The following EYA4 variants were observed in gnomAD, a reference collection of about 807,000 sequenced individuals.
EYA4 encodes protein phosphatase EYA4.
A neutral mutation model predicts 87.9 loss-of-function variants in EYA4; 31 were observed. The ratio of observed to expected loss-of-function variants is 0.35; its 90% CI spans 0.27 to 0.48. The LOEUF (loss-of-function observed/expected upper bound fraction) is 0.48, where lower values mean the gene tolerates loss of function less well. Among genes scored for constraint, EYA4 ranks in the 20% least tolerant of loss-of-function variants. EYA4 has a pLI of 0.99. For synonymous variants in EYA4, 263 were observed against 270.6 expected (o/e 0.97, Z 0.28); for missense variants, 678 against 761.4 (o/e 0.89, Z 1.29).
chr6:133,503,279 G>GT (rs971370918), intron 13 of EYA4, among the ~76,000 whole-genome samples: 70 of 152,274 alleles, frequency 4.6e-4, no homozygotes, highest in African/African-American at 1.7e-3. Flanking sequence ...GGAACAGTAT[G>GT]TTTTCTCCCA....
At chr6:133,263,877 G>T (rs1775992309) in intron 1 of EYA4, among the ~76,000 whole-genome samples, 1 of 152,190 alleles carries the variant, frequency 6.6e-6, no homozygotes, top group Non-Finnish European at 1.5e-5. Flanking sequence ...GGTCATGAGT[G>T]GGACTCTTCA....
Position 133,530,277 on chromosome 6 carries a change from G to A in EYA4, c.*1472G>A, listed in dbSNP as rs1380760537. 28 of 985,252 alleles carry A rather than the reference G, an allele frequency of 2.8e-5. No homozygotes were observed. Among genetic ancestry groups the A allele is most frequent in the Non-Finnish European group, 3.4e-5 (28 of 829,918 alleles). 61.0% of individuals were successfully genotyped at this position (985,252 alleles called of 1,614,324 possible). ...ATGTTTGTTAGTTTCTGCCTGTATT[G>A]TCACTGCGCAACGGATGGCATTCAT... On this transcript the variant is annotated 3_prime_UTR_variant, in exon 20 of 20. Transcript: ENST00000355286.
chr6:133,285,482 A>G (rs1777981549), intron 2 of EYA4, among the ~76,000 whole-genome samples: 1 of 152,160 alleles, frequency 6.6e-6, no homozygotes. Context: ...TAAGGCTGCA[A>G]AGGTAATCAG....
At chr6:133,369,778 C>T (rs1785129260) in intron 2 of EYA4, among the ~76,000 whole-genome samples, 1 of 152,136 alleles carries the variant, frequency 6.6e-6, no homozygotes, top group Non-Finnish European at 1.5e-5. Flanking sequence ...AAATTTAATG[C>T]AGGGATTTAA....
chr6:133,450,531 T>TCTCA (rs967811164), intron 5 of EYA4, among the ~76,000 whole-genome samples: 1 of 152,118 alleles, frequency 6.6e-6, no homozygotes, highest in Non-Finnish European at 1.5e-5. Context: ...TAAGATGGAG[T>TCTCA]CTCACTCTGT....
intron 3 of EYA4, among the ~76,000 whole-genome samples, chr6:133,388,270 A>G (rs540449479): frequency 1.3e-5 from 2 of 151,820 alleles, no homozygotes; most frequent in Admixed American, 1.3e-4. Flanking sequence ...AGTAGGGCAT[A>G]GTGGTGGGCA....
intron 3 of EYA4, among the ~76,000 whole-genome samples, chr6:133,388,736 T>A (rs1355784577): frequency 1.3e-5 from 2 of 152,216 alleles, no homozygotes. Context: ...AGGAATAGGC[T>A]ACAACCAAAA....
chr6:133,355,975 G>C (rs1377620523), intron 2 of EYA4, among the ~76,000 whole-genome samples: 1 of 151,880 alleles, frequency 6.6e-6, no homozygotes, highest in Non-Finnish European at 1.5e-5. Flanking sequence ...CAAGGTGCCA[G>C]CATGATCAAT....
In EYA4 at chr6:133,284,191, C is replaced by T. The variant is rs116597984; in HGVS notation, c.33+9378C>T. Among the ~76,000 whole-genome samples the T allele has an allele frequency of 4.6e-3, 707 of 152,172 alleles. 7 individuals carry two copies. Among genetic ancestry groups the T allele is most frequent in the African/African-American group, 0.016 (667 of 41,496 alleles). ...TTTGAGTGAGAAATTTAAATTATTC[C>T]ACCGTGATTACAGATTAATTGTACA... On this transcript the variant is annotated intron_variant, in intron 2 of 19. Coordinates refer to ENST00000355286, the MANE Select transcript of EYA4 (RefSeq NM_004100.5).
chr6:133,418,884 A>G (rs1295378361), intron 3 of EYA4, among the ~76,000 whole-genome samples: 2 of 152,180 alleles, frequency 1.3e-5, no homozygotes, highest in African/African-American at 2.4e-5. Context: ...TTCTAAAGTA[A>G]TAAAGATTTA....
intron 3 of EYA4, among the ~76,000 whole-genome samples, chr6:133,444,098 A>G (rs1330283489): frequency 6.6e-6 from 1 of 152,022 alleles, no homozygotes; most frequent in Non-Finnish European, 1.5e-5. Flanking sequence ...ATTTTTGTCT[A>G]CTTTTCTTCT....
chr6:133,253,983 A>C (rs1450574066), intron 1 of EYA4, among the ~76,000 whole-genome samples: 1 of 152,182 alleles, frequency 6.6e-6, no homozygotes, highest in East Asian at 1.9e-4. Flanking sequence ...GACATCTGCA[A>C]AGGATGAATC....
intron 13 of EYA4, among the ~76,000 whole-genome samples, chr6:133,494,273 A>G (rs542280504): frequency 3.3e-5 from 5 of 152,300 alleles, no homozygotes; most frequent in South Asian, 2.1e-4. Context: ...TTTTAGCAAC[A>G]TGGATGGAAC....
At chr6:133,331,563 T>C (rs780047909) in intron 2 of EYA4, among the ~76,000 whole-genome samples, 4 of 152,220 alleles carry the variant, frequency 2.6e-5, no homozygotes, top group Admixed American at 6.5e-5. Context: ...CAAGGCATCA[T>C]TAATAATAAA....
At chr6:133,324,075 G>A (rs1562289783) in intron 2 of EYA4, among the ~76,000 whole-genome samples, 1 of 151,970 alleles carries the variant, frequency 6.6e-6, no homozygotes, top group East Asian at 1.9e-4. Context: ...CAGCCCTTCA[G>A]CTTTTCAAAG....
intron 2 of EYA4, among the ~76,000 whole-genome samples, chr6:133,287,043 G>A (rs949838928): frequency 9.2e-5 from 14 of 152,058 alleles, no homozygotes; most frequent in Admixed American, 9.2e-4. Context: ...TTCTCTGTGT[G>A]TGTCGGGGGG....
intron 3 of EYA4, among the ~76,000 whole-genome samples, chr6:133,430,906 A>G (rs1289026715): frequency 6.6e-6 from 1 of 152,204 alleles, no homozygotes. Flanking sequence ...AAATGAGATA[A>G]TGGGATAGTA....
At chr6:133,487,956 C>A (rs1415084548) in intron 13 of EYA4, among the ~76,000 whole-genome samples, 4 of 152,144 alleles carry the variant, frequency 2.6e-5, no homozygotes, top group Non-Finnish European at 5.9e-5. Context: ...CAGGCCATGG[C>A]TCTTGGATGG....
chr6:133,505,977 CT>C, intron 13 of EYA4, 128 bp from the exon 14 acceptor site: 1 of 686,346 alleles, frequency 1.5e-6, no homozygotes, highest in East Asian at 2.8e-5. Flanking sequence ...ACTGAGAAAT[CT>C]TTTGAATCTT....
Sources: allele counts gnomAD v4.1 joint callset (sites outside exome capture counted in the v4.1 genomes callset), GRCh38; gene constraint gnomAD v4.1.1; transcripts MANE v1.5; gene names NCBI Gene and HGNC (gene_info 2026-07-23, HGNC 2026-07-21).